The following FAM193A variants were observed in gnomAD, a reference collection of about 807,000 sequenced individuals.
FAM193A encodes the protein protein FAM193A.
In FAM193A, 22 loss-of-function variants were observed where a neutral mutation model predicts 126.5. That is an observed-to-expected ratio of 0.17 (90% confidence interval 0.12 to 0.25). The LOEUF (loss-of-function observed/expected upper bound fraction) is 0.25. Ranked by LOEUF, FAM193A falls within the 10% of genes least tolerant of loss-of-function variation. FAM193A has a pLI of 1.00. For synonymous variants in FAM193A, 761 were observed against 646.8 expected (o/e 1.18, Z -2.68); for missense variants, 1,675 against 1,672.8 (o/e 1.00, Z -0.02).
chr4:2,686,130 A>G (rs1715713527), intron 13 of FAM193A, among the ~76,000 whole-genome samples: 1 of 152,240 alleles, frequency 6.6e-6, no homozygotes, highest in Non-Finnish European at 1.5e-5. Flanking sequence ...TATTGAGGTC[A>G]GTAGGCATCT....
intron 1 of FAM193A, among the ~76,000 whole-genome samples, chr4:2,540,329 G>A (rs1344113149): frequency 3.3e-5 from 5 of 152,172 alleles, no homozygotes; most frequent in South Asian, 4.1e-4. Context: ...TTAGCCGGGC[G>A]TGGTGGCGGG....
At chr4:2,729,793 G>A (rs1488961163) in intron 20 of FAM193A, among the ~76,000 whole-genome samples, 1 of 152,076 alleles carries the variant, frequency 6.6e-6, no homozygotes, top group African/African-American at 2.4e-5. Flanking sequence ...GTGTTTTTTT[G>A]TAGAGATGAG....
At chr4:2,695,152 T>C (rs1716891245) in intron 17 of FAM193A, 23 bp downstream of exon 17, 1 of 1,553,986 alleles carries the variant, frequency 6.4e-7, no homozygotes, top group Non-Finnish European at 8.7e-7. Context: ...GGTCAGCGCA[T>C]CATGATGTGG....
chr4:2,717,842 C>T (rs1359827026), intron 20 of FAM193A, among the ~76,000 whole-genome samples: 2 of 151,388 alleles, frequency 1.3e-5, no homozygotes, highest in East Asian at 1.9e-4. Context: ...TTAGTAGAGA[C>T]GAGGTTTCAC....
chr4:2,542,023 T>C (rs919406951), intron 1 of FAM193A, among the ~76,000 whole-genome samples: 8 of 151,460 alleles, frequency 5.3e-5, no homozygotes, highest in African/African-American at 1.9e-4. Context: ...GCAAATTTTT[T>C]TTTTTTTTTC....
intron 2 of FAM193A, among the ~76,000 whole-genome samples, chr4:2,599,856 C>T (rs1036142651): frequency 1.3e-5 from 2 of 151,986 alleles, no homozygotes; most frequent in Non-Finnish European, 2.9e-5. Context: ...GTGCCTCAGC[C>T]TCCCGAGTAG....
chr4:2,650,215 C>T (rs775167944), intron 7 of FAM193A, among the ~76,000 whole-genome samples: 1 of 152,224 alleles, frequency 6.6e-6, no homozygotes, highest in African/African-American at 2.4e-5. Context: ...GAACCATCCC[C>T]TTGCCTCACC....
intron 6 of FAM193A, among the ~76,000 whole-genome samples, chr4:2,645,136 G>T (rs1009330115): frequency 1.3e-5 from 2 of 152,036 alleles, no homozygotes; most frequent in African/African-American, 4.8e-5. Context: ...GATGTGCCAT[G>T]ATGCATTTGG....
upstream of FAM193A, among the ~76,000 whole-genome samples, chr4:2,536,084 G>GGCCGC (rs1298648268): frequency 5.9e-5 from 9 of 151,832 alleles, no homozygotes; most frequent in African/African-American, 4.8e-5. Flanking sequence ...GCGAGGCCAG[G>GGCCGC]GCCGCGCCGC....
intron 16 of FAM193A, among the ~76,000 whole-genome samples, 185 bp from the exon 17 acceptor site, chr4:2,694,761 G>A (rs544010140): frequency 3.9e-5 from 6 of 152,186 alleles, no homozygotes; most frequent in East Asian, 3.9e-4. Flanking sequence ...ATGCGCACAC[G>A]CCATGTCTCC....
At chr4:2,601,735 A>G (rs1741209903) in intron 2 of FAM193A, among the ~76,000 whole-genome samples, 1 of 152,086 alleles carries the variant, frequency 6.6e-6, no homozygotes, top group African/African-American at 2.4e-5. Context: ...TAAAAAAAAA[A>G]AAATTATAAA....
At chr4:2,580,940 T>A (rs551764951) in intron 1 of FAM193A, among the ~76,000 whole-genome samples, 12 of 152,162 alleles carry the variant, frequency 7.9e-5, no homozygotes, top group Non-Finnish European at 1.6e-4. Flanking sequence ...CCATCCTGGC[T>A]AACACGGTGA....
chr4:2,621,146 A>G (rs1299453460), intron 2 of FAM193A, among the ~76,000 whole-genome samples: 2 of 152,134 alleles, frequency 1.3e-5, no homozygotes, highest in African/African-American at 2.4e-5. Context: ...TAAGAGCAAG[A>G]TGAGAAAAGC....
intron 7 of FAM193A, among the ~76,000 whole-genome samples, chr4:2,652,045 A>T (rs1745722290): frequency 6.6e-6 from 1 of 152,214 alleles, no homozygotes; most frequent in African/African-American, 2.4e-5. Flanking sequence ...ATGAGGTCTC[A>T]TCTCAGATTT....
At chr4:2,696,182 C>T (rs990553224) in intron 17 of FAM193A, 181 bp from the exon 18 acceptor site, 4 of 540,152 alleles carry the variant, frequency 7.4e-6, no homozygotes, top group Non-Finnish European at 1.3e-5. Flanking sequence ...ATCAAAATGC[C>T]ACTTTTGGGT....
At chr4:2,699,163 A>G (rs1224702655) in intron 18 of FAM193A, among the ~76,000 whole-genome samples, 2 of 152,194 alleles carry the variant, frequency 1.3e-5, no homozygotes, top group Non-Finnish European at 2.9e-5. Flanking sequence ...AGCCTGGTAC[A>G]CATTTCTTAC....
chr4:2,558,015 G>A (rs1738369501), intron 1 of FAM193A, among the ~76,000 whole-genome samples: 3 of 152,124 alleles, frequency 2.0e-5, no homozygotes, highest in Non-Finnish European at 4.4e-5. Flanking sequence ...GCTCATGCCT[G>A]TAATCCCAGC....
At chr4:2,562,739 C>T (rs1446692238) in intron 1 of FAM193A, among the ~76,000 whole-genome samples, 1 of 151,496 alleles carries the variant, frequency 6.6e-6, no homozygotes, top group Non-Finnish European at 1.5e-5. Flanking sequence ...AAGCGATTCT[C>T]GTGCCTCATC....
intron 13 of FAM193A, among the ~76,000 whole-genome samples, chr4:2,678,467 A>T (rs1033008599): frequency 1.3e-5 from 2 of 150,194 alleles, no homozygotes; most frequent in Non-Finnish European, 3.0e-5. Flanking sequence ...GGTTCAAGCG[A>T]TACTCCTGCC....
Sources: gnomAD v4.1 joint callset for allele counts (sites outside exome capture counted in the v4.1 genomes callset) on GRCh38, gnomAD v4.1.1 for gene constraint, MANE v1.5 for transcripts, NCBI Gene and HGNC (gene_info 2026-07-23, HGNC 2026-07-21) for gene names.